The following RIIAD1 variants were observed in gnomAD, a reference collection of about 807,000 sequenced individuals.
RIIAD1 encodes RIIa domain-containing protein 1.
Under a neutral mutation model 13.3 loss-of-function variants are expected in RIIAD1, and 15 were observed. That is an observed-to-expected ratio of 1.13 (90% CI 0.76 to 1.74). RIIAD1 has a LOEUF of 1.74. Among genes scored for constraint, RIIAD1 ranks in the 40% most tolerant of loss-of-function variants. The probability of loss-of-function intolerance (pLI) is 0.00; values close to 1 mark genes in which losing one functional copy is unlikely to be tolerated. For missense variants in RIIAD1, 121 were observed against 112.2 expected, an observed-to-expected ratio of 1.08 and a Z score of -0.35; for synonymous variants, 50 against 43.3, an observed-to-expected ratio of 1.16 and a Z score of -0.61.
intron 2 of RIIAD1, among the ~76,000 whole-genome samples, chr1:151,724,853 G>A (rs1453784884): frequency 6.6e-6 from 1 of 151,160 alleles, no homozygotes; most frequent in South Asian, 2.1e-4. Context: ...AGGCTGGAGT[G>A]CAGTGGTGCG....
intron 3 of RIIAD1, chr1:151,728,491 GGGGTGGGGGGTGGGGC>G: frequency 7.3e-6 from 1 of 137,134 alleles, no homozygotes. Context: ...TGGGGGGTGG[GGGGTGGGGGGTGGGGC>G]CAGGCACAGC....
intron 3 of RIIAD1, 129 bp from the exon 4 acceptor site, chr1:151,728,637 G>A: frequency 3.0e-6 from 2 of 668,258 alleles, no homozygotes; most frequent in Non-Finnish European, 2.7e-6. Flanking sequence ...TGTAAAGCAG[G>A]GCCACCAGTA....
In RIIAD1 at chr1:151,715,701, T is replaced by A. The variant is rs1379180990; in HGVS notation, c.21+1172T>A. 4 of 1,544,622 alleles carry A rather than the reference T, an allele frequency of 2.6e-6. No homozygotes were observed. The African/African-American group carries it at 5.5e-5, about 21-fold the overall frequency. ...GGCCCTCCTTAGTCCTTCACCGGGG[T>A]TTCCTGATCACTCTAGCTGAGTTCT... On this transcript the variant is annotated intron_variant, in intron 4 of 8. Coordinates refer to the RIIAD1 transcript ENST00000326413.
chr1:151,716,860 G>T, upstream of RIIAD1: 1 of 451,346 alleles, frequency 2.2e-6, no homozygotes, highest in South Asian at 1.6e-5. Flanking sequence ...CATCAGTGAT[G>T]TCAGTCTCAG....
intron 4 of RIIAD1, among the ~76,000 whole-genome samples, chr1:151,729,282 T>C (rs1647263750): frequency 6.6e-6 from 1 of 152,026 alleles, no homozygotes; most frequent in African/African-American, 2.4e-5. Flanking sequence ...CTGGAAGGGG[T>C]GTGAGCAGTT....
chr1:151,728,199 G>A (rs960342364), intron 3 of RIIAD1, among the ~76,000 whole-genome samples: 2 of 152,180 alleles, frequency 1.3e-5, no homozygotes, highest in African/African-American at 2.4e-5. Context: ...CTTTGCTAGC[G>A]CAGCAGATGC....
intron 3 of RIIAD1, 64 bp from the exon 4 acceptor site, chr1:151,728,702 C>T (rs1326274554): frequency 4.0e-6 from 4 of 989,802 alleles, no homozygotes; most frequent in Non-Finnish European, 6.3e-6. Flanking sequence ...AAGCTGTCTC[C>T]TTCCATGGGT....
At chr1:151,716,646 C>A, upstream of RIIAD1, 1 of 344,382 alleles carries the variant, frequency 2.9e-6, no homozygotes, top group South Asian at 2.2e-5. Flanking sequence ...TGCCCTGCCG[C>A]CCCCCTTCAG....
At position 151,727,625 on chromosome 1, in the gene RIIAD1, A is replaced by C; in HGVS notation, c.208+4A>C. 3 of 1,546,538 alleles carry C rather than the reference A, an allele frequency of 1.9e-6. No homozygotes were observed. The highest frequency in any genetic ancestry group is 2.6e-6 in the Non-Finnish European group (3 of 1,142,312). The stretch of plus-strand genomic sequence containing the variant: ...AACATCCTAGAATTTGCTGCAGGTG[A>C]GTAAGGCAGCGTCGGTTTTGGGTAT... On this transcript the variant is annotated splice_donor_region_variant and intron_variant, in intron 3 of 4. Transcript: ENST00000479191.
At chr1:151,717,690 G>C (rs1457123339), upstream of RIIAD1, among the ~76,000 whole-genome samples, 3 of 152,236 alleles carry the variant, frequency 2.0e-5, no homozygotes, top group African/African-American at 7.2e-5. Flanking sequence ...CAGCTGTCAA[G>C]CTTCCCCTTA....
chr1:151,721,283 C>T (rs1371841378), upstream of RIIAD1, among the ~76,000 whole-genome samples: 2 of 152,042 alleles, frequency 1.3e-5, no homozygotes, highest in Non-Finnish European at 2.9e-5. Flanking sequence ...CTAGAGCTAA[C>T]AAAAAAACCC....
intron 4 of RIIAD1, chr1:151,714,595 C>T (rs1481614789): frequency 6.4e-7 from 1 of 1,554,186 alleles, no homozygotes; most frequent in African/African-American, 1.4e-5. Context: ...AGGACTCACC[C>T]CTGGAAGCGT....
intron 3 of RIIAD1, among the ~76,000 whole-genome samples, chr1:151,728,042 C>T (rs1237598834): frequency 6.6e-6 from 1 of 152,068 alleles, no homozygotes; most frequent in Non-Finnish European, 1.5e-5. Flanking sequence ...TTAAAGACTC[C>T]CCAGGTGATT....
chr1:151,721,575 C>G lies in RIIAD1; in HGVS notation c.39C>G (p.Pro13=), dbSNP rs554907050. 4 of 1,321,992 alleles carry G rather than the reference C, an allele frequency of 3.0e-6. No homozygotes were observed. The highest frequency in any genetic ancestry group is 3.8e-5 in the Admixed American group (1 of 26,028). The allele number at this position is 1,321,992 out of a possible 1,614,324, so 81.9% of individuals were successfully genotyped here. A position where few individuals can be genotyped will look rare whatever the true frequency, so the allele number is the denominator to read the frequency against. The change falls in exon 1 of 5, where the codon CCC becomes CCG. Residue 13 remains proline, a synonymous_variant. Coordinates refer to ENST00000479191, the MANE Select transcript of RIIAD1 (RefSeq NM_001144956.3). ...TLPGLLQRPD[P]GALSAAQLEQ... ...CAGGCTTGCTGCAGCGGCCCGACCC[C>G]GGGGCGCTTAGCGCAGCGCAGCTGG...
At position 151,727,617 on chromosome 1, in the gene RIIAD1, TG is replaced by T; in HGVS notation, c.205del (p.Ala69GlnfsTer17). The T allele has an allele frequency of 6.5e-7, 1 of 1,549,106 alleles. No homozygotes were observed. Among genetic ancestry groups the T allele is most frequent in the Non-Finnish European group, 8.7e-7 (1 of 1,144,660 alleles). On this transcript the variant is annotated frameshift_variant, in exon 3 of 5. Transcript: ENST00000479191. LOFTEE classifies it high-confidence loss of function. Reference protein sequence around the residue: ...KRPDNILEFAADYFTDPRLPN... With the variant: ...KRPDNILEFAXDYFTDPRLPN... ...GACCAGACAACATCCTAGAATTTGC[TG>T]CAGGTGAGTAAGGCAGCGTCGGTTT...
chr1:151,727,432 C>A (rs1673851810), intron 2 of RIIAD1, 143 bp from the exon 3 acceptor site: 1 of 683,952 alleles, frequency 1.5e-6, no homozygotes, highest in Non-Finnish European at 2.7e-6. Flanking sequence ...ATGAAAGGGT[C>A]TTTGTCAGGA....
At chr1:151,712,988 G>A (rs1341502132) in intron 2 of RIIAD1, among the ~76,000 whole-genome samples, 1 of 152,110 alleles carries the variant, frequency 6.6e-6, no homozygotes, top group Non-Finnish European at 1.5e-5. Flanking sequence ...GCAGGTAGCA[G>A]GAGAAGACTT....
intron 4 of RIIAD1, chr1:151,715,993 AC>A: frequency 1.9e-6 from 3 of 1,613,830 alleles, no homozygotes; most frequent in Non-Finnish European, 8.5e-7. Context: ...TGCCCCACAA[AC>A]AGCTTGATGG....
chr1:151,727,706 G>T, intron 3 of RIIAD1, 85 bp downstream of exon 3: 2 of 837,112 alleles, frequency 2.4e-6, no homozygotes, highest in South Asian at 3.0e-5. Context: ...ATGAGCCCAG[G>T]ATTCTCCCAG....
Sources: gnomAD v4.1 joint callset for allele counts (sites outside exome capture counted in the v4.1 genomes callset) on GRCh38, gnomAD v4.1.1 for gene constraint, MANE v1.5 for transcripts, NCBI Gene and HGNC (gene_info 2026-07-23, HGNC 2026-07-21) for gene names.